The following IFT52 variants were observed in gnomAD, a reference collection of about 807,000 sequenced individuals.
The protein encoded by IFT52 is intraflagellar transport protein 52 homolog.
In IFT52, 44 loss-of-function variants were observed where a neutral mutation model predicts 54.4. The ratio of observed to expected loss-of-function variants is 0.81; its 90% CI spans 0.63 to 1.04. The LOEUF is 1.04. Ranked by LOEUF, IFT52 falls within the 50% of genes least tolerant of loss-of-function variation. The pLI is 0.00. For missense variants in IFT52, 452 were observed against 523.6 expected, an observed-to-expected ratio of 0.86 and a Z score of 1.33; for synonymous variants, 181 against 185.3, an observed-to-expected ratio of 0.98 and a Z score of 0.19.
chr20:43,620,730 C>G (rs558582005), intron 8 of IFT52, 127 bp from the exon 9 acceptor site: 2 of 668,670 alleles, frequency 3.0e-6, no homozygotes, highest in East Asian at 2.8e-5. Context: ...GGCTGGCTAC[C>G]CTTTTCTGAA....
At position 43,603,823 on chromosome 20, in the gene IFT52, G is replaced by A; in HGVS notation, c.271G>A (p.Gly91Arg). The change falls in exon 4 of 14, where the codon GGA becomes AGA. Residue 91 changes from glycine (G) to arginine (R), a missense_variant. By Grantham distance (125) the Gly-to-Arg change is moderately radical (BLOSUM62 -2). Transcript: ENST00000373030. ...GDVFVMLGEG[G>R]ESRFDTNINF... ...TGTCTTTGTGATGCTAGGAGAAGGT[G>A]GAGAATCCAGATTTGACACCAATAT... 1 of 1,593,938 alleles carries A rather than the reference G, an allele frequency of 6.3e-7. No individual in the cohort carries two copies. Among genetic ancestry groups the A allele is most frequent in the African/African-American group, 1.3e-5 (1 of 74,520 alleles).
rs1443565462 is a variant in IFT52 at position 43,645,558 on chromosome 20, C to A, written c.1267-1378C>A. Among the ~76,000 whole-genome samples, 2 of 48,962 alleles carry A rather than the reference C, an allele frequency of 4.1e-5. 1 individual carries two copies. The highest frequency in any genetic ancestry group is 9.4e-5 in the Non-Finnish European group (2 of 21,296). The allele number at this position is 48,962 out of a possible 152,430, so 32.1% of individuals were successfully genotyped here. On this transcript the variant is annotated intron_variant, in intron 13 of 13. Coordinates refer to ENST00000373030, the MANE Select transcript of IFT52 (RefSeq NM_016004.5). The stretch of plus-strand genomic sequence containing the variant: ...GGTGACAGAGTAAGACTCTGTCCCC[C>A]CCAAAAAAAGAAGATATTTATCCTT...
rs992390994 is a variant in IFT52 at position 43,595,173 on chromosome 20, C to T, written c.119+356C>T. Among the ~76,000 whole-genome samples the T allele has an allele frequency of 3.3e-5, 5 of 151,772 alleles. No homozygotes were observed. The East Asian group carries it at 5.8e-4, about 18-fold the overall frequency. ...TACTAAAAATTAAAAAAAAAATTAGCGAAGTGTGGTGGTGGGCGCCTGTAA... is the reference window on the plus strand; with the variant it reads ...TACTAAAAATTAAAAAAAAAATTAGTGAAGTGTGGTGGTGGGCGCCTGTAA... On this transcript the variant is annotated intron_variant, in intron 2 of 13. Coordinates refer to ENST00000373030, the MANE Select transcript of IFT52 (RefSeq NM_016004.5).
intron 10 of IFT52, among the ~76,000 whole-genome samples, chr20:43,630,092 G>T (rs562048329): frequency 8.6e-5 from 13 of 151,542 alleles, no homozygotes; most frequent in African/African-American, 3.2e-4. Context: ...CCTTCCACAG[G>T]TAACAGCCTG....
intron 3 of IFT52, among the ~76,000 whole-genome samples, chr20:43,598,079 T>C (rs1982137983): frequency 6.6e-6 from 1 of 152,092 alleles, no homozygotes; most frequent in African/African-American, 2.4e-5. Flanking sequence ...AGATATGGTA[T>C]ATACATACAA....
chr20:43,591,212 C>T (rs1981483767), intron 1 of IFT52, among the ~76,000 whole-genome samples, 158 bp downstream of exon 1: 1 of 152,238 alleles, frequency 6.6e-6, no homozygotes, highest in South Asian at 2.1e-4. Flanking sequence ...AGCCCGGGTT[C>T]CTGGCGCCCC....
intron 3 of IFT52, among the ~76,000 whole-genome samples, chr20:43,602,143 T>TTTA (rs11472130): frequency 0.24 from 35,121 of 145,344 alleles, 4,632 homozygotes; most frequent in Non-Finnish European, 0.26. Context: ...CTGATTTTTA[T>TTTA]TTTATTTATT....
chr20:43,620,721 G>C (rs920883096), intron 8 of IFT52, 136 bp from the exon 9 acceptor site: 5 of 631,708 alleles, frequency 7.9e-6, no homozygotes, highest in African/African-American at 7.4e-5. Context: ...TCAAGACAAG[G>C]CTGGCTACCC....
chr20:43,647,044 A>G lies in IFT52; in HGVS notation c.*61A>G. 6.9e-7 allele frequency: 1 copy of G among 1,451,830 alleles called. No individual in the cohort carries two copies. The highest frequency in any genetic ancestry group is 9.7e-7 in the Non-Finnish European group (1 of 1,033,452). 89.9% of individuals were successfully genotyped at this position (1,451,830 alleles called of 1,614,324 possible). On this transcript the variant is annotated 3_prime_UTR_variant, in exon 14 of 14. Transcript: ENST00000373030. ...TTCTCTCTTTGTAAACTATTTTCAAATTGTTTTTCAACTCCTTATCAAAAT... is the reference window on the plus strand; with the variant it reads ...TTCTCTCTTTGTAAACTATTTTCAAGTTGTTTTTCAACTCCTTATCAAAAT...
At chr20:43,627,793 C>T (rs1984838045) in intron 10 of IFT52, among the ~76,000 whole-genome samples, 1 of 151,840 alleles carries the variant, frequency 6.6e-6, no homozygotes, top group African/African-American at 2.4e-5. Context: ...GTCTGGAACT[C>T]CTGGGCTCAA....
intron 8 of IFT52, among the ~76,000 whole-genome samples, chr20:43,619,640 A>C (rs768152779): frequency 1.3e-5 from 2 of 152,040 alleles, no homozygotes; most frequent in Non-Finnish European, 2.9e-5. Context: ...GGCTCTGTAG[A>C]GGACTACTCA....
intron 6 of IFT52, among the ~76,000 whole-genome samples, chr20:43,610,111 C>A (rs574851678): frequency 4.6e-4 from 69 of 150,670 alleles, no homozygotes; most frequent in African/African-American, 1.6e-3. Flanking sequence ...ACCAGCCTGG[C>A]CAACCCCCAT....
chr20:43,632,159 A>G lies in IFT52; in HGVS notation c.924-3767A>G, dbSNP rs188128892. On this transcript the variant is annotated intron_variant, in intron 10 of 13. Coordinates refer to ENST00000373030, the MANE Select transcript of IFT52 (RefSeq NM_016004.5). Reference sequence around the variant, plus strand: ...AGACTGGTCTTGAACTCCCAACCCCAGGTGATCCGCCTGCCTCGGCATCCC... The same window carrying G: ...AGACTGGTCTTGAACTCCCAACCCCGGGTGATCCGCCTGCCTCGGCATCCC... 3.1e-3 allele frequency among the ~76,000 whole-genome samples: 472 copies of G among 152,164 alleles called. 4 individuals are homozygous for G. The highest frequency in any genetic ancestry group is 3.8e-3 in the Non-Finnish European group (258 of 67,982).
At chr20:43,599,126 C>T (rs1431785888) in intron 3 of IFT52, among the ~76,000 whole-genome samples, 5 of 152,178 alleles carry the variant, frequency 3.3e-5, no homozygotes, top group Non-Finnish European at 7.4e-5. Flanking sequence ...TAACCAGCAA[C>T]TCCTACCCAC....
chr20:43,631,280 T>G (rs1985152224), intron 10 of IFT52, among the ~76,000 whole-genome samples: 1 of 152,224 alleles, frequency 6.6e-6, no homozygotes, highest in South Asian at 2.1e-4. Flanking sequence ...TAACACAGGG[T>G]TGGCATAATA....
chr20:43,612,247 C>T (rs911244266), intron 6 of IFT52, among the ~76,000 whole-genome samples: 2 of 152,068 alleles, frequency 1.3e-5, no homozygotes, highest in African/African-American at 2.4e-5. Flanking sequence ...GCCCAGAGAT[C>T]ATGGGCTGTA....
intron 6 of IFT52, among the ~76,000 whole-genome samples, chr20:43,609,330 G>A (rs879292937): frequency 1.3e-5 from 2 of 152,096 alleles, no homozygotes; most frequent in African/African-American, 2.4e-5. Flanking sequence ...ATATATGGAG[G>A]GTGGGGATTA....
At chr20:43,596,202 C>T (rs1981946385) in intron 2 of IFT52, among the ~76,000 whole-genome samples, 2 of 152,190 alleles carry the variant, frequency 1.3e-5, no homozygotes, top group Non-Finnish European at 2.9e-5. Flanking sequence ...TTTAGCATGG[C>T]TTGATTTGAA....
chr20:43,594,795 C>T lies in IFT52; in HGVS notation c.97C>T (p.Arg33Trp), dbSNP rs547710015. The change falls in exon 2 of 14, where the codon CGG (arginine) becomes TGG (tryptophan). Residue 33 changes from arginine (R) to tryptophan (W), a missense_variant. Physicochemically the swap from Arg to Trp is moderately radical, Grantham distance 101. Coordinates refer to ENST00000373030, the MANE Select transcript of IFT52 (RefSeq NM_016004.5). ...CTACAAATCCATGCAGAAAAAACTT[C>T]GGAGTAATTGGAAGATTCAGAGGTG... ...NGYKSMQKKLRSNWKIQSLKD... is the reference protein window; with the variant it reads ...NGYKSMQKKLWSNWKIQSLKD... 6.3e-6 allele frequency: 10 copies of T among 1,594,190 alleles called. No homozygotes were observed. Among genetic ancestry groups the T allele is most frequent in the East Asian group, 4.5e-5 (2 of 44,768 alleles).
Sources: allele counts gnomAD v4.1 joint callset (sites outside exome capture counted in the v4.1 genomes callset), GRCh38; gene constraint gnomAD v4.1.1; transcripts MANE v1.5; gene names NCBI Gene and HGNC (gene_info 2026-07-23, HGNC 2026-07-21).